Variants in KIF20B observed in about 807,000 individuals in gnomAD.
KIF20B encodes the protein kinesin-like protein KIF20B.
Under a neutral mutation model 232.5 loss-of-function variants are expected in KIF20B, and 188 were observed. That is an observed-to-expected ratio of 0.81 (90% CI 0.72 to 0.91). The LOEUF is 0.91. Ranked by LOEUF, KIF20B falls within the 40% of genes least tolerant of loss-of-function variation. The pLI, the probability that KIF20B is intolerant of heterozygous loss-of-function variation, is 0.00. For missense variants in KIF20B, 2,154 were observed against 2,055.9 expected (o/e 1.05, Z -0.92); for synonymous variants, 712 against 683.0 (o/e 1.04, Z -0.66).
intron 29 of KIF20B, among the ~76,000 whole-genome samples, chr10:89,767,043 A>G (rs1842376431): frequency 6.6e-6 from 1 of 151,926 alleles, no homozygotes; most frequent in South Asian, 2.1e-4. Context: ...AGATTTACAG[A>G]TTGTTGTAGA....
chr10:89,760,718 G>A, intron 28 of KIF20B, 82 bp downstream of exon 28: 1 of 815,712 alleles, frequency 1.2e-6, no homozygotes, highest in Non-Finnish European at 2.1e-6. Flanking sequence ...AGTTGCTGAA[G>A]ATACCTTACT....
intron 26 of KIF20B, among the ~76,000 whole-genome samples, chr10:89,757,462 G>A (rs1165625594): frequency 6.6e-6 from 1 of 151,676 alleles, no homozygotes; most frequent in Non-Finnish European, 1.5e-5. Flanking sequence ...TTATGAGTAG[G>A]AGTTCTCATA....
Position 89,715,004 on chromosome 10 carries a change from A to G in KIF20B, c.762A>G (p.Lys254=), listed in dbSNP as rs1160417075. 5.1e-5 allele frequency: 82 copies of G among 1,598,574 alleles called. No homozygotes were observed. Among genetic ancestry groups the G allele is most frequent in the Non-Finnish European group, 6.9e-5 (81 of 1,173,178 alleles). ...TCTCAGAGTTTGAAGAATCCATAAA[A>G]GATTATGAACAAGCCAACTTGAATA... The part of the protein sequence containing the change: ...LNISEFEESI[K]DYEQANLNMA... Residue 254 remains lysine (K), a synonymous_variant, in exon 8 of 33, where the codon AAA becomes AAG. Transcript: ENST00000371728.
intron 31 of KIF20B, among the ~76,000 whole-genome samples, chr10:89,770,050 AC>A (rs1230512843): frequency 8.5e-5 from 13 of 152,166 alleles, no homozygotes; most frequent in Non-Finnish European, 1.5e-4. Flanking sequence ...TTGCCTCTGC[AC>A]CCAAAGAACC....
At position 89,754,691 on chromosome 10, in the gene KIF20B, C is replaced by A. The variant is rs1437485286; in HGVS notation, c.4503+18C>A. 6.7e-7 allele frequency: 1 copy of A among 1,481,984 alleles called. No homozygotes were observed. Among genetic ancestry groups the A allele is most frequent in the South Asian group, 1.5e-5 (1 of 66,386 alleles). The allele number at this position is 1,481,984 out of a possible 1,614,324, so 91.8% of individuals were successfully genotyped here. A position where few individuals can be genotyped will look rare whatever the true frequency, so the allele number is the denominator to read the frequency against. On this transcript the variant is annotated intron_variant, in intron 26 of 32. Coordinates refer to ENST00000371728, the MANE Select transcript of KIF20B (RefSeq NM_001284259.2). ...ATGAAATGGTTAGTAACAATTGTAT[C>A]TTTGATGTATTTCACCTACTTTCCT...
chr10:89,715,510 C>T (rs747985619), intron 8 of KIF20B, among the ~76,000 whole-genome samples: 3 of 152,048 alleles, frequency 2.0e-5, no homozygotes, highest in East Asian at 1.9e-4. Context: ...ACTATTCTTC[C>T]GGAGTGGTTT....
chr10:89,752,919 C>T (rs1842049885), intron 25 of KIF20B, among the ~76,000 whole-genome samples: 1 of 152,068 alleles, frequency 6.6e-6, no homozygotes, highest in African/African-American at 2.4e-5. Flanking sequence ...GTGATTGGGT[C>T]CTTAGTTTTA....
chr10:89,703,671 G>A lies in KIF20B; in HGVS notation c.-1-1623G>A, dbSNP rs564736072. ...CATTCAAACCTGGCAGGCTCTAAAT[G>A]GCTAAAAATATGCTTATTTTGGGCC... is the stretch of plus-strand genomic sequence containing the variant. On this transcript the variant is annotated intron_variant, in intron 1 of 32. Transcript: ENST00000371728. Among the ~76,000 whole-genome samples the A allele has an allele frequency of 8.3e-4, 127 of 152,142 alleles. 1 individual carries two copies. The highest frequency in any genetic ancestry group is 3.0e-3 in the African/African-American group (124 of 41,498).
chr10:89,746,417 G>A (rs567206122), intron 23 of KIF20B, among the ~76,000 whole-genome samples: 17 of 152,256 alleles, frequency 1.1e-4, no homozygotes, highest in South Asian at 2.1e-4. Context: ...CTGGGCGGCC[G>A]GACTCTCCTC....
At chr10:89,734,423 G>A (rs1329382647) in intron 19 of KIF20B, among the ~76,000 whole-genome samples, 1 of 151,984 alleles carries the variant, frequency 6.6e-6, no homozygotes, top group East Asian at 1.9e-4. Flanking sequence ...AAAAATGAAA[G>A]TGGTGGTGGG....
In KIF20B at chr10:89,737,576, T is replaced by C; in HGVS notation, c.2735T>C (p.Ile912Thr). 1 of 1,605,816 alleles carries C rather than the reference T, an allele frequency of 6.2e-7. No individual in the cohort carries two copies. The highest frequency in any genetic ancestry group is 1.7e-5 in the Admixed American group (1 of 58,898). The stretch of plus-strand genomic sequence containing the variant: ...GAAAAAGCAGAATTAAATAAACAGA[T>C]TGTTCATTTTCAGCAGGAACTTTCT... ...KEEKAELNKQ[I>T]VHFQQELSLS... is the part of the protein sequence containing the mutation. The change falls in exon 20 of 33, where the codon ATT becomes ACT. Residue 912 changes from isoleucine to threonine, a missense_variant. Physicochemically the swap from Ile to Thr is moderately conservative, Grantham distance 89. Coordinates refer to ENST00000371728, the MANE Select transcript of KIF20B (RefSeq NM_001284259.2).
chr10:89,737,195 T>A (rs2133126029), intron 19 of KIF20B, among the ~76,000 whole-genome samples, 192 bp from the exon 20 acceptor site: 1 of 152,190 alleles, frequency 6.6e-6, no homozygotes, highest in African/African-American at 2.4e-5. Flanking sequence ...ATAATAATTT[T>A]TACATAAATG....
chr10:89,752,469 G>T, intron 24 of KIF20B, 98 bp from the exon 25 acceptor site: 1 of 811,744 alleles, frequency 1.2e-6, no homozygotes, highest in African/African-American at 1.8e-5. Flanking sequence ...CTTTATCTGG[G>T]CTCTACTGAT....
chr10:89,712,173 A>C (rs539193845), intron 6 of KIF20B, among the ~76,000 whole-genome samples: 1 of 152,154 alleles, frequency 6.6e-6, no homozygotes, highest in East Asian at 1.9e-4. Context: ...TACATTATTA[A>C]TGTATTAGTG....
chr10:89,760,844 C>T (rs1225813192), intron 28 of KIF20B, among the ~76,000 whole-genome samples: 1 of 152,078 alleles, frequency 6.6e-6, no homozygotes, highest in Non-Finnish European at 1.5e-5. Flanking sequence ...ATCTTAAAAG[C>T]AGTAGATTTG....
intron 25 of KIF20B, among the ~76,000 whole-genome samples, chr10:89,754,117 G>A (rs1842075059): frequency 6.7e-6 from 1 of 149,642 alleles, no homozygotes; most frequent in African/African-American, 2.5e-5. Flanking sequence ...TTTTTATTTG[G>A]CATCTCGTAG....
Position 89,738,060 on chromosome 10 carries a change from A to C in KIF20B, c.3219A>C (p.Lys1073Asn). 2 of 1,613,418 alleles carry C rather than the reference A, an allele frequency of 1.2e-6. No homozygotes were observed. Among genetic ancestry groups the C allele is most frequent in the East Asian group, 4.5e-5 (2 of 44,816 alleles). The change falls in exon 20 of 33, where the codon AAA (lysine) becomes AAC (asparagine). Residue 1073 changes from lysine (K) to asparagine (N), a missense_variant. Coordinates refer to ENST00000371728, the MANE Select transcript of KIF20B (RefSeq NM_001284259.2). ...AAGAGATTGTGAAGGCCTCTTCCAA[A>C]AAAAGTCATCAGATTGAGGAACTGG... Reference protein sequence around the residue: ...ECKEIVKASSKKSHQIEELEQ... With the variant: ...ECKEIVKASSNKSHQIEELEQ...
At chr10:89,770,668 GAACTGT>G (rs2133181197) in intron 31 of KIF20B, among the ~76,000 whole-genome samples, 1 of 148,764 alleles carries the variant, frequency 6.7e-6, no homozygotes, top group Non-Finnish European at 1.5e-5. Flanking sequence ...TCCCTATTTT[GAACTGT>G]AACTGTAATA....
At chr10:89,744,888 A>G (rs1841878073) in intron 22 of KIF20B, among the ~76,000 whole-genome samples, 1 of 152,190 alleles carries the variant, frequency 6.6e-6, no homozygotes, top group African/African-American at 2.4e-5. Context: ...CAAAGTGATG[A>G]GATAGTGGTG....
Sources: gnomAD v4.1 joint callset for allele counts (sites outside exome capture counted in the v4.1 genomes callset) on GRCh38, gnomAD v4.1.1 for gene constraint, MANE v1.5 for transcripts, NCBI Gene and HGNC (gene_info 2026-07-23, HGNC 2026-07-21) for gene names.